Variants in KCNIP4 observed in about 807,000 individuals in gnomAD.
KCNIP4 encodes potassium voltage-gated channel interacting protein 4.
Under a neutral mutation model 34.0 loss-of-function variants are expected in KCNIP4, and 12 were observed. The ratio of observed to expected loss-of-function variants is 0.35; its 90% CI spans 0.23 to 0.57. The LOEUF (loss-of-function observed/expected upper bound fraction) is 0.57, where lower values mean the gene tolerates loss of function less well. Ranked by LOEUF, KCNIP4 falls within the 20% of genes least tolerant of loss-of-function variation. The probability of loss-of-function intolerance (pLI) is 0.83; values close to 1 mark genes in which losing one functional copy is unlikely to be tolerated. For missense variants in KCNIP4, 238 were observed against 311.7 expected, an observed-to-expected ratio of 0.76 and a Z score of 1.78; for synonymous variants, 124 against 102.2, an observed-to-expected ratio of 1.21 and a Z score of -1.29.
At chr4:21,907,054 C>T (rs1386963402) in intron 1 of KCNIP4, among the ~76,000 whole-genome samples, 4 of 152,110 alleles carry the variant, frequency 2.6e-5, no homozygotes, top group Non-Finnish European at 4.4e-5. Context: ...TTCTCATTCT[C>T]ATTATGATGA....
intron 1 of KCNIP4, among the ~76,000 whole-genome samples, chr4:21,557,220 C>T (rs940482262): frequency 4.3e-4 from 66 of 152,078 alleles, no homozygotes; most frequent in Non-Finnish European, 7.5e-4. Flanking sequence ...ATGAACTTTC[C>T]TAGAGTTAAT....
intron 3 of KCNIP4, among the ~76,000 whole-genome samples, chr4:20,806,356 G>T (rs1560479406): frequency 6.6e-6 from 1 of 151,190 alleles, no homozygotes; most frequent in Admixed American, 6.6e-5. Flanking sequence ...TTTTATTTCT[G>T]TACTATGTTC....
At chr4:20,745,588 A>G (rs770632995) in intron 5 of KCNIP4, among the ~76,000 whole-genome samples, 1 of 152,206 alleles carries the variant, frequency 6.6e-6, no homozygotes, top group Non-Finnish European at 1.5e-5. Context: ...AAAGGAGGTT[A>G]TATCTGTTCC....
At chr4:21,556,930 A>AAAAAAAAAAAAAAAAACAAAAAAAAAC (rs1553903108) in intron 1 of KCNIP4, among the ~76,000 whole-genome samples, 86 of 108,192 alleles carry the variant, frequency 7.9e-4, no homozygotes, top group African/African-American at 9.6e-4. Context: ...CAGAAAAAAA[A>AAAAAAAAAAAAAAAAACAAAAAAAAAC]AAAAAAAAAA....
chr4:21,611,782 A>G (rs1256287237), intron 1 of KCNIP4, among the ~76,000 whole-genome samples: 1 of 151,988 alleles, frequency 6.6e-6, no homozygotes, highest in African/African-American at 2.4e-5. Context: ...ACATTCTTCA[A>G]TGTCACTAGG....
At chr4:21,610,116 G>A (rs571557142) in intron 1 of KCNIP4, among the ~76,000 whole-genome samples, 13 of 152,352 alleles carry the variant, frequency 8.5e-5, no homozygotes, top group Admixed American at 2.0e-4. Flanking sequence ...TCAGTGGCAG[G>A]TTATAACAGG....
intron 1 of KCNIP4, among the ~76,000 whole-genome samples, chr4:21,314,169 T>C (rs952742994): frequency 6.6e-6 from 1 of 152,156 alleles, no homozygotes; most frequent in African/African-American, 2.4e-5. Flanking sequence ...GTCTGCAATG[T>C]GGTAGGTTGC....
Position 21,697,726 on chromosome 4 carries a change from T to C in KCNIP4, c.61+250845A>G, listed in dbSNP as rs1217481186. 4.3e-6 allele frequency: 5 copies of C among 1,160,300 alleles called. No individual in the cohort carries two copies. The East Asian group carries it at 1.9e-4, about 43-fold the overall frequency. The allele number at this position is 1,160,300 out of a possible 1,614,324, so 71.9% of individuals were successfully genotyped here. A position where few individuals can be genotyped will look rare whatever the true frequency, so the allele number is the denominator to read the frequency against. On this transcript the variant is annotated intron_variant, in intron 1 of 8. Transcript: ENST00000382152. ...CAGACAGGCTGCCGGTTCACACTTG[T>C]AGTAACCCAGCTCTGGTTCGGCTCG...
chr4:21,235,812 G>C (rs917047253), intron 1 of KCNIP4, among the ~76,000 whole-genome samples: 1 of 152,164 alleles, frequency 6.6e-6, no homozygotes, highest in Non-Finnish European at 1.5e-5. Flanking sequence ...TATGGAAAGT[G>C]CTTACATGTG....
At chr4:21,082,098 CTT>C (rs2109022546) in intron 1 of KCNIP4, among the ~76,000 whole-genome samples, 1 of 151,976 alleles carries the variant, frequency 6.6e-6, no homozygotes, top group East Asian at 1.9e-4. Context: ...CAGAACCTGA[CTT>C]TTTCAGATTC....
chr4:20,779,554 TAC>T (rs1756664146), intron 3 of KCNIP4, among the ~76,000 whole-genome samples: 1 of 146,542 alleles, frequency 6.8e-6, no homozygotes, highest in Non-Finnish European at 1.5e-5. Flanking sequence ...GAACCTACCT[TAC>T]AAGTCCCCCC....
intron 1 of KCNIP4, among the ~76,000 whole-genome samples, chr4:21,403,772 C>T (rs181917836): frequency 6.6e-6 from 1 of 152,158 alleles, no homozygotes; most frequent in African/African-American, 2.4e-5. Context: ...GACCCATGCT[C>T]TCCTTCCAAG....
intron 1 of KCNIP4, among the ~76,000 whole-genome samples, chr4:21,279,416 T>C (rs972450520): frequency 1.3e-5 from 2 of 151,798 alleles, no homozygotes; most frequent in Non-Finnish European, 2.9e-5. Flanking sequence ...AATATTTGGC[T>C]TTGGATTTAC....
intron 1 of KCNIP4, among the ~76,000 whole-genome samples, chr4:21,087,126 T>C (rs1746514741): frequency 6.9e-6 from 1 of 145,104 alleles, no homozygotes; most frequent in African/African-American, 2.6e-5. Flanking sequence ...ATTACAGGCA[T>C]GCACCACCAC....
intron 1 of KCNIP4, among the ~76,000 whole-genome samples, chr4:21,680,605 A>G (rs752897856): frequency 6.6e-6 from 1 of 152,238 alleles, no homozygotes; most frequent in African/African-American, 2.4e-5. Flanking sequence ...TTCTTCAGTA[A>G]TAAGACTTGG....
At chr4:21,866,862 C>T (rs1002264775) in intron 1 of KCNIP4, among the ~76,000 whole-genome samples, 3 of 149,082 alleles carry the variant, frequency 2.0e-5, no homozygotes, top group African/African-American at 7.4e-5. Flanking sequence ...AGCTCCGCCT[C>T]CCAGGTTCAC....
At chr4:21,267,635 A>G (rs1761895691) in intron 1 of KCNIP4, among the ~76,000 whole-genome samples, 1 of 145,170 alleles carries the variant, frequency 6.9e-6, no homozygotes, top group Non-Finnish European at 1.5e-5. Context: ...GGTTCTGTTT[A>G]TATGCTGGAT....
intron 1 of KCNIP4, among the ~76,000 whole-genome samples, chr4:20,894,893 A>G (rs1279940156): frequency 6.6e-6 from 1 of 152,226 alleles, no homozygotes; most frequent in Non-Finnish European, 1.5e-5. Context: ...TCTAACAACA[A>G]TAAGAACAAA....
intron 1 of KCNIP4, among the ~76,000 whole-genome samples, chr4:21,455,823 A>T (rs1338299759): frequency 8.0e-5 from 4 of 49,936 alleles, no homozygotes; most frequent in African/African-American, 1.6e-4. Flanking sequence ...ATATATATAT[A>T]TATATATATA....
Sources: allele counts gnomAD v4.1 joint callset (sites outside exome capture counted in the v4.1 genomes callset), GRCh38; gene constraint gnomAD v4.1.1; transcripts MANE v1.5; gene names NCBI Gene and HGNC (gene_info 2026-07-23, HGNC 2026-07-21).